DLG2: variants seen among roughly 807,000 people sequenced by gnomAD.
The protein encoded by DLG2 is discs large MAGUK scaffold protein 2, also known as disks large homolog 2.
A neutral mutation model predicts 132.5 loss-of-function variants in DLG2; 45 were observed. The ratio of observed to expected loss-of-function variants is 0.34; its 90% CI spans 0.27 to 0.44. The LOEUF is 0.44. Among genes scored for constraint, DLG2 ranks in the 20% least tolerant of loss-of-function variants. DLG2 has a pLI of 1.00. For synonymous variants in DLG2, 424 were observed against 419.6 expected, an observed-to-expected ratio of 1.01 and a Z score of -0.13; for missense variants, 1,045 against 1,196.9, an observed-to-expected ratio of 0.87 and a Z score of 1.87.
At chr11:84,490,779 C>A (rs1171269616) in intron 7 of DLG2, among the ~76,000 whole-genome samples, 2 of 151,688 alleles carry the variant, frequency 1.3e-5, no homozygotes, top group African/African-American at 4.8e-5. Flanking sequence ...CCAATGGAAC[C>A]AAATGGTGCC....
chr11:84,091,859 T>G (rs2154170709), intron 10 of DLG2, among the ~76,000 whole-genome samples: 1 of 152,312 alleles, frequency 6.6e-6, no homozygotes, highest in Non-Finnish European at 1.5e-5. Context: ...AATCAATTCC[T>G]TGTGACTGTA....
In DLG2 at chr11:85,033,930, G is replaced by A. The variant is rs774429994; in HGVS notation, c.357+77731C>T. On this transcript the variant is annotated intron_variant, in intron 6 of 27. Coordinates refer to ENST00000376104, the MANE Select transcript of DLG2 (RefSeq NM_001142699.3). ...AAAAAATAAAACTTTTTGCAGTGGC[G>A]TACAATTGGAATACTAATTTCATGA... 2.2e-4 allele frequency among the ~76,000 whole-genome samples: 34 copies of A among 152,068 alleles called. 1 individual carries two copies. The highest frequency in any genetic ancestry group is 6.2e-4 in the South Asian group (3 of 4,814).
At chr11:84,830,009 G>A (rs775022848) in intron 6 of DLG2, among the ~76,000 whole-genome samples, 22 of 151,656 alleles carry the variant, frequency 1.5e-4, no homozygotes, top group Non-Finnish European at 1.5e-4. Flanking sequence ...TTGGGTAACC[G>A]CTAACTGCAC....
At chr11:85,072,203 C>T (rs1295141520) in intron 6 of DLG2, among the ~76,000 whole-genome samples, 4 of 151,772 alleles carry the variant, frequency 2.6e-5, no homozygotes, top group African/African-American at 9.7e-5. Context: ...ATTTACTTCC[C>T]TTGTGCCTAA....
At chr11:84,089,210 G>A (rs2097047722) in intron 10 of DLG2, among the ~76,000 whole-genome samples, 1 of 152,090 alleles carries the variant, frequency 6.6e-6, no homozygotes, top group African/African-American at 2.4e-5. Flanking sequence ...TGGGTCTTGG[G>A]AATAAGTGTC....
rs546947949 is a variant in DLG2, at chr11:84,078,969, A to T, written c.750-19485T>A. Reference sequence around the variant, plus strand: ...TATTTTCCAACTTTACCTCTCCACCATTCCTTTCCAATTGTCATCCTCAAA... The same window carrying T: ...TATTTTCCAACTTTACCTCTCCACCTTTCCTTTCCAATTGTCATCCTCAAA... On this transcript the variant is annotated intron_variant, in intron 10 of 27. Transcript: ENST00000376104. Among the ~76,000 whole-genome samples the T allele has an allele frequency of 6.6e-5, 10 of 152,260 alleles. No homozygotes were observed. The East Asian group carries it at 1.9e-3, about 29-fold the overall frequency.
intron 22 of DLG2, among the ~76,000 whole-genome samples, chr11:83,481,911 T>C (rs1565406137): frequency 6.6e-6 from 1 of 152,254 alleles, no homozygotes; most frequent in Non-Finnish European, 1.5e-5. Flanking sequence ...TGGTGTCCTA[T>C]TTCTGACACT....
chr11:85,190,411 G>T (rs550053681), intron 4 of DLG2, among the ~76,000 whole-genome samples: 1 of 150,796 alleles, frequency 6.6e-6, no homozygotes, highest in Admixed American at 6.6e-5. Context: ...GAAAAGTTAG[G>T]AAGATCTAAA....
intron 4 of DLG2, among the ~76,000 whole-genome samples, chr11:85,203,325 A>T (rs2152556601): frequency 6.6e-6 from 1 of 152,070 alleles, no homozygotes; most frequent in Admixed American, 6.6e-5. Context: ...TATAAACAAA[A>T]TGAGAGAAGA....
chr11:84,376,442 A>G (rs1400861160), intron 7 of DLG2, among the ~76,000 whole-genome samples: 7 of 151,928 alleles, frequency 4.6e-5, no homozygotes, highest in South Asian at 2.1e-4. Context: ...AAAAATAATG[A>G]CATCACTAAA....
At chr11:83,785,918 T>A (rs2095038612) in intron 18 of DLG2, among the ~76,000 whole-genome samples, 1 of 152,190 alleles carries the variant, frequency 6.6e-6, no homozygotes, top group African/African-American at 2.4e-5. Flanking sequence ...CAGTAGCCAT[T>A]TTCCTCTTCT....
At chr11:84,925,359 C>T (rs2092938447) in intron 6 of DLG2, among the ~76,000 whole-genome samples, 1 of 152,074 alleles carries the variant, frequency 6.6e-6, no homozygotes, top group East Asian at 1.9e-4. Context: ...CTTTAGATAC[C>T]ATTTTAATGT....
At chr11:84,603,262 A>G (rs1402735484) in intron 6 of DLG2, among the ~76,000 whole-genome samples, 3 of 151,972 alleles carry the variant, frequency 2.0e-5, no homozygotes, top group East Asian at 1.9e-4. Flanking sequence ...CAGGTTATTT[A>G]TATCTCTATG....
rs554349281 is a variant in DLG2, at chr11:83,587,750, G to T, written c.1940+45461C>A. Reference sequence around the variant, plus strand: ...GGTACCGGGTTCATCTCACTAGGAAGTGCCAGACAGTGGGCGCAGGTCAGT... The same window carrying T: ...GGTACCGGGTTCATCTCACTAGGAATTGCCAGACAGTGGGCGCAGGTCAGT... On this transcript the variant is annotated intron_variant, in intron 19 of 27. Coordinates refer to ENST00000376104, the MANE Select transcript of DLG2 (RefSeq NM_001142699.3). Among the ~76,000 whole-genome samples the T allele has an allele frequency of 1.1e-4, 16 of 152,262 alleles. No individual in the cohort carries two copies. In the East Asian group the frequency reaches 1.9e-3, roughly 18 times the overall value.
chr11:84,079,895 C>A (rs2096879787), intron 10 of DLG2, among the ~76,000 whole-genome samples: 2 of 152,148 alleles, frequency 1.3e-5, no homozygotes, highest in African/African-American at 4.8e-5. Flanking sequence ...CTGAAGACTC[C>A]TCCAGCTCCA....
At chr11:85,576,364 A>G (rs1052810992) in intron 3 of DLG2, among the ~76,000 whole-genome samples, 1 of 152,128 alleles carries the variant, frequency 6.6e-6, no homozygotes, top group Non-Finnish European at 1.5e-5. Flanking sequence ...AATTAACCTG[A>G]TGTACTTTCC....
intron 3 of DLG2, among the ~76,000 whole-genome samples, chr11:85,550,779 A>T (rs1338650337): frequency 6.6e-6 from 1 of 152,244 alleles, no homozygotes; most frequent in African/African-American, 2.4e-5. Flanking sequence ...CTAACTCTCC[A>T]GTTCAAGAAC....
chr11:84,994,310 A>G (rs1409107267), intron 6 of DLG2, among the ~76,000 whole-genome samples: 1 of 152,234 alleles, frequency 6.6e-6, no homozygotes, highest in Non-Finnish European at 1.5e-5. Flanking sequence ...TCATCAAAAC[A>G]GAATTGGTAC....
intron 18 of DLG2, among the ~76,000 whole-genome samples, chr11:83,734,059 TC>T (rs764889304): frequency 6.6e-6 from 1 of 152,230 alleles, no homozygotes; most frequent in East Asian, 1.9e-4. Context: ...CACAATGGCT[TC>T]CAGTTGCAAC....
Sources: allele counts gnomAD v4.1 joint callset (sites outside exome capture counted in the v4.1 genomes callset), GRCh38; gene constraint gnomAD v4.1.1; transcripts MANE v1.5; gene names NCBI Gene and HGNC (gene_info 2026-07-23, HGNC 2026-07-21).